The following USP6NL variants were observed in gnomAD, a reference collection of about 807,000 sequenced individuals.
USP6NL encodes the protein USP6 N-terminal-like protein.
Under a neutral mutation model 61.9 loss-of-function variants are expected in USP6NL, and 26 were observed. The observed-to-expected ratio is 0.42, with a 90% CI of 0.31 to 0.58. The LOEUF is 0.58. Among genes scored for constraint, USP6NL ranks in the 20% least tolerant of loss-of-function variants. USP6NL has a pLI of 0.16. For synonymous variants in USP6NL, 432 were observed against 390.1 expected, an observed-to-expected ratio of 1.11 and a Z score of -1.27; for missense variants, 1,114 against 1,034.3, an observed-to-expected ratio of 1.08 and a Z score of -1.06.
In USP6NL at chr10:11,463,360, G is replaced by A. The variant is rs925147675; in HGVS notation, c.1568C>T (p.Ala523Val). The change falls in exon 15 of 15, where the codon GCC becomes GTC. Residue 523 changes from alanine (A) to valine (V), a missense_variant. By Grantham distance (64) the Ala-to-Val change is moderately conservative. Coordinates refer to ENST00000609104, the MANE Select transcript of USP6NL (RefSeq NM_014688.5). The surrounding 1 kb of genome is among the most constrained non-coding windows in gnomAD (Gnocchi z 6.3). The part of the protein sequence containing the change: ...PALAVTVPGP[A>V]EVRVSNVRPK... ...CCGCACGTTTGACACCCGCACCTCG[G>A]CAGGACCTGGGACGGTAACTGCGAG... 16 of 1,613,850 alleles carry A rather than the reference G, an allele frequency of 9.9e-6. No individual in the cohort carries two copies. The highest frequency in any genetic ancestry group is 1.4e-5 in the Non-Finnish European group (16 of 1,179,902).
rs144472305 is a variant in USP6NL, at chr10:11,513,670, C to T, written c.196-3995G>A. 6.3e-4 allele frequency among the ~76,000 whole-genome samples: 96 copies of T among 152,298 alleles called. 1 individual carries two copies. Among genetic ancestry groups the T allele is most frequent in the African/African-American group, 2.2e-3 (90 of 41,568 alleles). ...ATCCCTAAATATTTCAAGTACGTAT[C>T]GCCTAAGAATGAAAACACATTATCC... On this transcript the variant is annotated intron_variant, in intron 5 of 14. Coordinates refer to ENST00000609104, the MANE Select transcript of USP6NL (RefSeq NM_014688.5). The surrounding 1 kb of genome is among the most constrained non-coding windows in gnomAD (Gnocchi z 4.7).
chr10:11,546,211 G>A lies in USP6NL; in HGVS notation c.5-18644C>T, dbSNP rs1018249840. ...GAATTTTTAAATCCTTACCATAAGA[G>A]ATGTGTTCACCACAGGACCATACCA... is the stretch of plus-strand genomic sequence containing the variant. On this transcript the variant is annotated intron_variant, in intron 2 of 14. Transcript: ENST00000609104. Among the ~76,000 whole-genome samples the A allele has an allele frequency of 2.6e-5, 4 of 152,176 alleles. No homozygotes were observed. In the South Asian group the frequency reaches 8.3e-4, roughly 31 times the overall value.
At chr10:11,477,084 C>T (rs561241158) in intron 14 of USP6NL, among the ~76,000 whole-genome samples, 8 of 152,246 alleles carry the variant, frequency 5.3e-5, no homozygotes, top group Admixed American at 5.2e-4. Flanking sequence ...GTTGGCCAGC[C>T]TGGTCTTGAG....
chr10:11,548,193 ACT>A lies in USP6NL; in HGVS notation c.5-20628_5-20627del, dbSNP rs1345306982. Among the ~76,000 whole-genome samples, 3 of 152,184 alleles carry A rather than the reference ACT, an allele frequency of 2.0e-5. No homozygotes were observed. The highest frequency in any genetic ancestry group is 2.1e-4 in the South Asian group (1 of 4,814). On this transcript the variant is annotated intron_variant, in intron 2 of 14. Transcript: ENST00000609104. This position sits in a 1 kb window ranked among gnomAD's most constrained non-coding sequence, Gnocchi z 4.3. ...CACATGAGAGGCCTGTAAATACAAA[ACT>A]CTGACATATTCACACTGTCTAACAC...
At chr10:11,588,267 A>AT (rs1231511762) in intron 2 of USP6NL, among the ~76,000 whole-genome samples, 6 of 152,262 alleles carry the variant, frequency 3.9e-5, no homozygotes, top group Non-Finnish European at 8.8e-5. Flanking sequence ...GTACTGGAGG[A>AT]GCAAAATGCT....
rs1051960587 is a variant in USP6NL at position 11,600,333 on chromosome 10, G to A, written c.-83-2616C>T. Among the ~76,000 whole-genome samples the A allele has an allele frequency of 1.3e-5, 2 of 152,130 alleles. No homozygotes were observed. The highest frequency in any genetic ancestry group is 2.9e-5 in the Non-Finnish European group (2 of 68,032). On this transcript the variant is annotated intron_variant, in intron 1 of 14. Transcript: ENST00000609104. This position sits in a 1 kb window ranked among gnomAD's most constrained non-coding sequence, Gnocchi z 4.1. ...GCCTTCCCTTGTGCTCCTACATGCA[G>A]AACAAGAAATGTATGCCCCAGGTAG...
intron 2 of USP6NL, among the ~76,000 whole-genome samples, chr10:11,570,579 A>G (rs1837319072): frequency 6.6e-6 from 1 of 152,274 alleles, no homozygotes; most frequent in South Asian, 2.1e-4. Context: ...AAATTCAATC[A>G]TATTTAGCAT....
At position 11,493,567 on chromosome 10, in the gene USP6NL, T is replaced by C. The variant is rs574114743; in HGVS notation, c.385-339A>G. On this transcript the variant is annotated intron_variant, in intron 7 of 14. Coordinates refer to ENST00000609104, the MANE Select transcript of USP6NL (RefSeq NM_014688.5). ...CATGGCTGAGCCATGCAGTCTGTTA[T>C]GATTTCTTGTTTCTTTCCAGGATGA... Among the ~76,000 whole-genome samples, 5 of 152,378 alleles carry C rather than the reference T, an allele frequency of 3.3e-5. No individual in the cohort carries two copies. In the East Asian group the frequency reaches 7.7e-4, roughly 23 times the overall value.
intron 1 of USP6NL, among the ~76,000 whole-genome samples, chr10:11,604,569 T>C (rs989631927): frequency 6.6e-6 from 1 of 152,154 alleles, no homozygotes; most frequent in Admixed American, 6.5e-5. Context: ...TTTTTTGTGA[T>C]AGAATAAATG....
intron 2 of USP6NL, among the ~76,000 whole-genome samples, chr10:11,550,401 C>G (rs1836437677): frequency 6.6e-6 from 1 of 152,144 alleles, no homozygotes; most frequent in Admixed American, 6.5e-5. Flanking sequence ...AGAATTCTTA[C>G]AACCCAGTAA....
intron 13 of USP6NL, among the ~76,000 whole-genome samples, chr10:11,483,726 G>A (rs750835734): frequency 1.9e-4 from 28 of 148,700 alleles, no homozygotes; most frequent in Non-Finnish European, 1.9e-4. Flanking sequence ...GGGCCGGTGC[G>A]GGGAGGAAGG....
intron 2 of USP6NL, among the ~76,000 whole-genome samples, chr10:11,571,738 T>C (rs1377273094): frequency 6.6e-6 from 1 of 151,640 alleles, no homozygotes; most frequent in Non-Finnish European, 1.5e-5. Flanking sequence ...TATGAAAAAT[T>C]GGTAAGATGT....
At chr10:11,483,695 G>A (rs536399485) in intron 13 of USP6NL, among the ~76,000 whole-genome samples, 129 of 91,090 alleles carry the variant, frequency 1.4e-3, no homozygotes, top group African/African-American at 5.5e-3. Flanking sequence ...GGGGGGTGGG[G>A]AGGCAAAAGG....
intron 6 of USP6NL, among the ~76,000 whole-genome samples, chr10:11,503,213 C>T (rs998023699): frequency 6.6e-6 from 1 of 152,092 alleles, no homozygotes; most frequent in Non-Finnish European, 1.5e-5. Context: ...TTAATAGGAA[C>T]GTGTAATATG....
intron 1 of USP6NL, among the ~76,000 whole-genome samples, chr10:11,607,392 A>G (rs968573648): frequency 6.6e-6 from 1 of 152,186 alleles, no homozygotes; most frequent in Non-Finnish European, 1.5e-5. Flanking sequence ...TAATTCTATA[A>G]TAAAATATTA....
In USP6NL at chr10:11,495,162, G is replaced by A. The variant is rs1393938337; in HGVS notation, c.385-1934C>T. On this transcript the variant is annotated intron_variant, in intron 7 of 14. Coordinates refer to ENST00000609104, the MANE Select transcript of USP6NL (RefSeq NM_014688.5). This position sits in a 1 kb window ranked among gnomAD's most constrained non-coding sequence, Gnocchi z 4.6. ...CCTGTCCGGGCATAACAGAAGGTTC[G>A]CACTCTTGTCTTCTGGTCACTTCTC... Among the ~76,000 whole-genome samples the A allele has an allele frequency of 6.6e-6, 1 of 152,194 alleles. No individual in the cohort carries two copies. Among genetic ancestry groups the A allele is most frequent in the African/African-American group, 2.4e-5 (1 of 41,458 alleles).
rs918980210 is a variant in USP6NL at position 11,489,608 on chromosome 10, G to T, written c.544-386C>A. ...CCAGTATGCTGTCTTGTCTCCTCTAGATTTCTGAACCCTTAAGCAGACACA... is the reference window on the plus strand; with the variant it reads ...CCAGTATGCTGTCTTGTCTCCTCTATATTTCTGAACCCTTAAGCAGACACA... On this transcript the variant is annotated intron_variant, in intron 9 of 14. Coordinates refer to ENST00000609104, the MANE Select transcript of USP6NL (RefSeq NM_014688.5). The surrounding 1 kb of genome is among the most constrained non-coding windows in gnomAD (Gnocchi z 5.7). Among the ~76,000 whole-genome samples the T allele has an allele frequency of 2.6e-5, 4 of 152,100 alleles. No individual in the cohort carries two copies. The highest frequency in any genetic ancestry group is 7.2e-5 in the African/African-American group (3 of 41,402).
chr10:11,568,174 T>TGTGTGC lies in USP6NL; in HGVS notation c.4+29456_4+29457insGCACAC, dbSNP rs568672733. Among the ~76,000 whole-genome samples, 184 of 135,230 alleles carry TGTGTGC rather than the reference T, an allele frequency of 1.4e-3. 1 individual carries two copies. In the East Asian group the frequency reaches 0.03, roughly 22 times the overall value. The allele number at this position is 135,230 out of a possible 152,430, so 88.7% of individuals were successfully genotyped here. ...TTGTGTGTGTGTGTGTGTGTGTGTG[T>TGTGTGC]GCGCGCGCGCGTGCTTGTATGCAAA... On this transcript the variant is annotated intron_variant, in intron 2 of 14. Coordinates refer to ENST00000609104, the MANE Select transcript of USP6NL (RefSeq NM_014688.5).
intron 3 of USP6NL, among the ~76,000 whole-genome samples, 169 bp downstream of exon 3, chr10:11,527,331 G>A (rs1055849797): frequency 1.3e-5 from 2 of 152,190 alleles, no homozygotes; most frequent in African/African-American, 4.8e-5. Context: ...CTGAAGTGGA[G>A]AAAAGGATGA....
Sources: allele counts gnomAD v4.1 joint callset (sites outside exome capture counted in the v4.1 genomes callset), GRCh38; gene constraint gnomAD v4.1.1; non-coding constraint Gnocchi (gnomAD v3.1); transcripts MANE v1.5; gene names NCBI Gene and HGNC (gene_info 2026-07-23, HGNC 2026-07-21).